The following GRIA4 variants were observed in gnomAD, a reference collection of about 807,000 sequenced individuals.
The protein encoded by GRIA4 is glutamate ionotropic receptor AMPA type subunit 4, also known as glutamate receptor 4.
In GRIA4, 34 loss-of-function variants were observed where a neutral mutation model predicts 104.0. The observed-to-expected ratio is 0.33, with a 90% confidence interval of 0.25 to 0.44. GRIA4 has a LOEUF of 0.44. Ranked by LOEUF, GRIA4 falls within the 20% of genes least tolerant of loss-of-function variation. The pLI is 1.00. For missense variants in GRIA4, 750 were observed against 1,096.5 expected (o/e 0.68, Z 4.46); for synonymous variants, 386 against 381.9 (o/e 1.01, Z -0.13).
chr11:105,838,007 G>C (rs1282771274), intron 4 of GRIA4, among the ~76,000 whole-genome samples: 1 of 151,948 alleles, frequency 6.6e-6, no homozygotes, highest in African/African-American at 2.4e-5. Flanking sequence ...CAAAACTATT[G>C]ACCTATTTTT....
At chr11:105,794,432 GGTGT>G (rs71041628) in intron 4 of GRIA4, among the ~76,000 whole-genome samples, 3 of 100,536 alleles carry the variant, frequency 3.0e-5, no homozygotes, top group East Asian at 6.1e-4. Flanking sequence ...TGTGTGCCGG[GGTGT>G]GTGTGTGTGT....
intron 4 of GRIA4, among the ~76,000 whole-genome samples, chr11:105,802,601 G>A (rs939758718): frequency 6.6e-6 from 1 of 151,888 alleles, no homozygotes; most frequent in Non-Finnish European, 1.5e-5. Context: ...CAGCAATTTA[G>A]TGAATCTATT....
intron 6 of GRIA4, among the ~76,000 whole-genome samples, chr11:105,887,895 GATATT>G: frequency 6.6e-6 from 1 of 152,170 alleles, no homozygotes; most frequent in Admixed American, 6.6e-5. Flanking sequence ...CCAATATTTG[GATATT>G]ATAAGAATGA....
At chr11:105,976,850 A>G (rs564588645) in intron 16 of GRIA4, among the ~76,000 whole-genome samples, 1 of 152,064 alleles carries the variant, frequency 6.6e-6, no homozygotes, top group Non-Finnish European at 1.5e-5. Flanking sequence ...CAAGATGAAT[A>G]GAAATGGCAT....
chr11:105,878,686 C>T (rs770777268), intron 5 of GRIA4, among the ~76,000 whole-genome samples: 9 of 152,200 alleles, frequency 5.9e-5, no homozygotes, highest in Non-Finnish European at 1.0e-4. Context: ...CCGCCCAGTT[C>T]AAACTTCCTG....
chr11:105,832,235 A>G (rs1429518376), intron 4 of GRIA4, among the ~76,000 whole-genome samples: 3 of 151,968 alleles, frequency 2.0e-5, no homozygotes, highest in Admixed American at 6.6e-5. Flanking sequence ...CTGGAATGAG[A>G]CAGAGCAGTA....
chr11:105,689,014 G>A (rs1952992865), intron 3 of GRIA4, among the ~76,000 whole-genome samples: 1 of 152,052 alleles, frequency 6.6e-6, no homozygotes, highest in South Asian at 2.1e-4. Context: ...GAAAAGCAAG[G>A]GCCAAAGAGA....
At chr11:105,904,168 T>C (rs1938914) in intron 8 of GRIA4, among the ~76,000 whole-genome samples, 187 bp downstream of exon 8, 12,168 of 152,240 alleles carry the variant, frequency 0.08, 723 homozygotes, top group Admixed American at 0.18. Context: ...ACATTTTATG[T>C]GGATGCATAA....
chr11:105,657,412 T>C (rs1030374834), intron 3 of GRIA4, among the ~76,000 whole-genome samples: 5 of 152,010 alleles, frequency 3.3e-5, no homozygotes, highest in Admixed American at 2.0e-4. Context: ...AGTTAATATA[T>C]TATTCAAAAA....
chr11:105,959,641 T>C (rs532626915), intron 14 of GRIA4, among the ~76,000 whole-genome samples: 6 of 152,308 alleles, frequency 3.9e-5, no homozygotes, highest in Admixed American at 1.3e-4. Flanking sequence ...TCTGCACCCT[T>C]TATGGAGAGA....
At chr11:105,921,209 TC>T (rs1250610211) in intron 11 of GRIA4, among the ~76,000 whole-genome samples, 1 of 152,032 alleles carries the variant, frequency 6.6e-6, no homozygotes, top group African/African-American at 2.4e-5. Flanking sequence ...CACACTCAGG[TC>T]CTTTTTGCTA....
Position 105,981,743 on chromosome 11 carries a change from T to C in GRIA4, c.*2004T>C, listed in dbSNP as rs1859259742. On this transcript the variant is annotated 3_prime_UTR_variant, in exon 17 of 17. Coordinates refer to ENST00000282499, the MANE Select transcript of GRIA4 (RefSeq NM_000829.4). ...CCAAAGCAGCACATGGAGCACTGCA[T>C]AGACTATTTCCTCAGTGCGTAACTC... 1 of 152,650 alleles carries C rather than the reference T, an allele frequency of 6.6e-6. No homozygotes were observed. The highest frequency in any genetic ancestry group is 2.1e-4 in the South Asian group (1 of 4,824). The allele number at this position is 152,650 out of a possible 1,614,324, so 9.5% of individuals were successfully genotyped here. A position where few individuals can be genotyped will look rare whatever the true frequency, so the allele number is the denominator to read the frequency against.
At chr11:105,719,476 C>A (rs1954219835) in intron 3 of GRIA4, among the ~76,000 whole-genome samples, 1 of 152,066 alleles carries the variant, frequency 6.6e-6, no homozygotes, top group African/African-American at 2.4e-5. Context: ...TCTGAGCTGA[C>A]AAAATGCGTG....
chr11:105,688,156 C>CTATATCTCTATCTATCTATCTA (rs373564678), intron 3 of GRIA4, among the ~76,000 whole-genome samples: 49 of 72,750 alleles, frequency 6.7e-4, no homozygotes, highest in South Asian at 1.5e-3. Context: ...ATATCTATAT[C>CTATATCTCTATCTATCTATCTA]TCTATCTATC....
chr11:105,785,755 A>T (rs1009896069), intron 4 of GRIA4, among the ~76,000 whole-genome samples: 8 of 152,214 alleles, frequency 5.3e-5, no homozygotes, highest in African/African-American at 1.9e-4. Flanking sequence ...CAGGTAACTA[A>T]AACAAAAGGA....
rs765989082 is a variant in GRIA4 at position 105,972,006 on chromosome 11, G to T, written c.2387G>T (p.Gly796Val). The T allele has an allele frequency of 6.2e-7, 1 of 1,612,020 alleles. No individual in the cohort carries two copies. The highest frequency in any genetic ancestry group is 1.3e-5 in the African/African-American group (1 of 74,960). Residue 796 changes from glycine (G) to valine (V), a missense_variant, in exon 15 of 17, where the codon GGA becomes GTA. Around this residue, in one of 3 missense-constraint regions of GRIA4, gnomAD observed 272 missense variants for 524.5 expected, o/e 0.52. Coordinates refer to ENST00000282499, the MANE Select transcript of GRIA4 (RefSeq NM_000829.4). Reference protein sequence around the residue: ...NKWWYDKGECGPKDSGSKDKT... With the variant: ...NKWWYDKGECVPKDSGSKDKT... The stretch of plus-strand genomic sequence containing the variant: ...TGGTGGTACGATAAAGGTGAATGTG[G>T]ACCCAAGGACTCTGGAAGCAAGGTC...
At chr11:105,944,730 G>A (rs886687271) in intron 14 of GRIA4, among the ~76,000 whole-genome samples, 1 of 152,084 alleles carries the variant, frequency 6.6e-6, no homozygotes, top group African/African-American at 2.4e-5. Flanking sequence ...AATAGCTGAT[G>A]AGTGACAGAA....
At chr11:105,930,199 ACT>A (rs1182323895) in intron 13 of GRIA4, among the ~76,000 whole-genome samples, 2 of 151,730 alleles carry the variant, frequency 1.3e-5, no homozygotes, top group African/African-American at 4.8e-5. Context: ...CTTAGCAATC[ACT>A]CTCTTGCAGT....
At chr11:105,917,769 G>A (rs1947447480) in intron 10 of GRIA4, among the ~76,000 whole-genome samples, 1 of 149,994 alleles carries the variant, frequency 6.7e-6, no homozygotes, top group Non-Finnish European at 1.5e-5. Flanking sequence ...AGTGCTTTTT[G>A]CTAAAATGTC....
Sources: gnomAD v4.1 joint callset for allele counts (sites outside exome capture counted in the v4.1 genomes callset) on GRCh38, gnomAD v4.1.1 for gene constraint, gnomAD v4.1.1 regional missense constraint, MANE v1.5 for transcripts, NCBI Gene and HGNC (gene_info 2026-07-23, HGNC 2026-07-21) for gene names.